NBPF11: variants seen among roughly 807,000 people sequenced by gnomAD.
NBPF11 encodes NBPF member 11.
A neutral mutation model predicts 93.9 loss-of-function variants in NBPF11; 72 were observed. The ratio of observed to expected loss-of-function variants is 0.77; its 90% CI spans 0.63 to 0.93. The LOEUF is 0.93. Among genes scored for constraint, NBPF11 ranks in the 40% least tolerant of loss-of-function variants. NBPF11 has a pLI of 0.00. For missense variants in NBPF11, 705 were observed against 802.2 expected, an observed-to-expected ratio of 0.88 and a Z score of 1.46; for synonymous variants, 224 against 304.9, an observed-to-expected ratio of 0.73 and a Z score of 2.76.
Position 148,132,102 on chromosome 1 carries a change from C to T in NBPF11, c.-36+3570G>A, listed in dbSNP as rs1383242972. Among the ~76,000 whole-genome samples, 13 of 143,930 alleles carry T rather than the reference C, an allele frequency of 9.0e-5. No individual in the cohort carries two copies. The East Asian group carries it at 1.8e-3, about 20-fold the overall frequency. 94.4% of individuals were successfully genotyped at this position (143,930 alleles called of 152,430 possible). The stretch of plus-strand genomic sequence containing the variant: ...TCTTTTGAGAAATTGTTTCATTGTG[C>T]TGTTTATCTTATCAGACTGCAATAT... On this transcript the variant is annotated intron_variant, in intron 4 of 23. Transcript: ENST00000682118.
intron 10 of NBPF11, among the ~76,000 whole-genome samples, chr1:148,119,846 G>A (rs1667423937): frequency 6.6e-6 from 1 of 151,918 alleles, no homozygotes; most frequent in African/African-American, 2.4e-5. Context: ...AGTGGAGATG[G>A]GGTTTCTCCA....
chr1:148,146,480 T>C, intron 1 of NBPF11: 1 of 1,604,528 alleles, frequency 6.2e-7, no homozygotes, highest in Non-Finnish European at 8.5e-7. Context: ...CTCGCCTTCC[T>C]GCCGCCGGAG....
intron 6 of NBPF11, among the ~76,000 whole-genome samples, chr1:148,124,589 T>C (rs1460080174): frequency 4.0e-5 from 6 of 151,590 alleles, no homozygotes; most frequent in African/African-American, 1.5e-4. Context: ...GGGGTGGCAA[T>C]AGCACACCAT....
intron 4 of NBPF11, among the ~76,000 whole-genome samples, chr1:148,128,909 G>A (rs1255882005): frequency 4.1e-5 from 6 of 145,558 alleles, no homozygotes; most frequent in South Asian, 2.1e-4. Context: ...TAGAAGCGGC[G>A]GTGCGAGCAT....
chr1:148,104,217 G>A (rs1662987414), intron 23 of NBPF11, among the ~76,000 whole-genome samples: 1 of 144,584 alleles, frequency 6.9e-6, no homozygotes, highest in African/African-American at 2.7e-5. Context: ...CTCTGACTTA[G>A]TGCCCTCATG....
At chr1:148,104,419 C>A (rs1306200540) in intron 23 of NBPF11, 118 bp downstream of exon 23, 9 of 631,626 alleles carry the variant, frequency 1.4e-5, no homozygotes, top group Non-Finnish European at 2.2e-5. Context: ...ACAACAATGA[C>A]AGTAGGAGTA....
rs1664958167 is a variant in NBPF11 at position 148,110,376 on chromosome 1, A to G, written c.1801+2T>C. The stretch of plus-strand genomic sequence containing the variant: ...TTATCACCTTCACAATGGAGTACTC[A>G]CTGCCTATGTCAACAGCCATGCAGA... On this transcript the variant is annotated splice_donor_variant, in intron 16 of 23. Transcript: ENST00000682118. LOFTEE classifies it high-confidence loss of function. 9 of 1,580,744 alleles carry G rather than the reference A, an allele frequency of 5.7e-6. 1 individual carries two copies. The Admixed American group carries it at 8.4e-5, about 15-fold the overall frequency.
chr1:148,136,553 C>T (rs1321738807), intron 3 of NBPF11, among the ~76,000 whole-genome samples: 1 of 151,664 alleles, frequency 6.6e-6, no homozygotes, highest in Non-Finnish European at 1.5e-5. Flanking sequence ...TCAAGAAATG[C>T]AGAGCAGAGA....
chr1:148,151,588 A>G (rs1404172991), intron 1 of NBPF11, 162 bp downstream of exon 1: 2 of 151,874 alleles, frequency 1.3e-5, no homozygotes, highest in Non-Finnish European at 2.9e-5. Context: ...AGCGCAGGGA[A>G]CTTAGGCCCC....
intron 2 of NBPF11, among the ~76,000 whole-genome samples, chr1:148,142,120 AGAG>A (rs1309523763): frequency 6.7e-6 from 1 of 148,982 alleles, no homozygotes; most frequent in Non-Finnish European, 1.5e-5. Context: ...GAAAGAATAA[AGAG>A]AGAGAGAAAG....
chr1:148,121,826 A>G (rs1209957513), intron 9 of NBPF11, among the ~76,000 whole-genome samples: 1 of 151,982 alleles, frequency 6.6e-6, no homozygotes, highest in Non-Finnish European at 1.5e-5. Context: ...TATTCTTCGT[A>G]AAGATGGGTT....
In NBPF11 at chr1:148,146,578, G is replaced by A. The variant is rs1340224515; in HGVS notation, c.-548-2892C>T. ...GGGGACCCTGAGAGCCTCCTCGGGCGCACCCGGGCGCTGGAAGCTGCACCT... is the reference window on the plus strand; with the variant it reads ...GGGGACCCTGAGAGCCTCCTCGGGCACACCCGGGCGCTGGAAGCTGCACCT... On this transcript the variant is annotated intron_variant, in intron 1 of 23. Coordinates refer to ENST00000682118, the MANE Select transcript of NBPF11 (RefSeq NM_001385469.3). 2.6e-5 allele frequency: 42 copies of A among 1,607,252 alleles called. 1 individual carries two copies. The highest frequency in any genetic ancestry group is 2.4e-4 in the South Asian group (22 of 90,942).
chr1:148,146,916 C>T lies in NBPF11; in HGVS notation c.-548-3230G>A, dbSNP rs1298712449. The T allele has an allele frequency of 3.7e-6, 6 of 1,611,140 alleles. No individual in the cohort carries two copies. The African/African-American group carries it at 6.7e-5, about 18-fold the overall frequency. ...TCGACGCCACCTGGCAGGCCCTGCG[C>T]ACCAGGTGAGGGCGACCCTGGGGGC... On this transcript the variant is annotated intron_variant, in intron 1 of 23. Coordinates refer to ENST00000682118, the MANE Select transcript of NBPF11 (RefSeq NM_001385469.3).
chr1:148,120,680 A>C lies in NBPF11; in HGVS notation c.809T>G (p.Val270Gly). ...VPGPTSSATN[V>G]SMVVSAGPLS... ...AGGGCCGGCTGATACCACCATGCTG[A>C]CGTTTGTGGCAGAAGAGGTGGGGCC... The change falls in exon 10 of 24, where the codon GTC becomes GGC. Residue 270 changes from valine (V) to glycine (G), a missense_variant. Around this residue, in one of 12 missense-constraint regions of NBPF11, gnomAD observed 262 missense variants for 223.1 expected, o/e 1.17. Coordinates refer to ENST00000682118, the MANE Select transcript of NBPF11 (RefSeq NM_001385469.3). The C allele has an allele frequency of 6.5e-7, 1 of 1,537,030 alleles. No individual in the cohort carries two copies. The highest frequency in any genetic ancestry group is 2.3e-5 in the East Asian group (1 of 44,388).
rs1175737657 is a variant in NBPF11 at position 148,108,627 on chromosome 1, T to C, written c.1881A>G (p.Lys627=). ...PRLSRELLDE[K]EPEVLQDSLD... Reference sequence around the variant, plus strand: ...GTGAGTCCTGCAAGACTTCAGGCTCTTTCTCATCCAGCAGCTCCCTGCTGA... The same window carrying C: ...GTGAGTCCTGCAAGACTTCAGGCTCCTTCTCATCCAGCAGCTCCCTGCTGA... The change falls in exon 18 of 24, where the codon AAA becomes AAG. Residue 627 remains lysine (K), a synonymous_variant. Transcript: ENST00000682118. 3.6e-5 allele frequency: 51 copies of C among 1,423,988 alleles called. 1 individual carries two copies. The African/African-American group carries it at 7.0e-4, about 20-fold the overall frequency. The allele number at this position is 1,423,988 out of a possible 1,614,324, so 88.2% of individuals were successfully genotyped here.
intron 3 of NBPF11, among the ~76,000 whole-genome samples, chr1:148,136,078 C>T (rs1671227962): frequency 6.6e-6 from 1 of 151,904 alleles, no homozygotes; most frequent in Admixed American, 6.5e-5. Flanking sequence ...ATAGAGAGGC[C>T]TCTTTGGAAG....
chr1:148,112,275 G>T (rs1665480945), intron 15 of NBPF11, among the ~76,000 whole-genome samples: 1 of 142,606 alleles, frequency 7.0e-6, no homozygotes, highest in Non-Finnish European at 1.5e-5. Context: ...TTAACATTAG[G>T]TATATCTCCT....
At chr1:148,138,643 C>T (rs1317154003) in intron 2 of NBPF11, among the ~76,000 whole-genome samples, 1 of 151,112 alleles carries the variant, frequency 6.6e-6, no homozygotes, top group Admixed American at 6.6e-5. Context: ...TGAGTTGACA[C>T]AGCCCATGTC....
At chr1:148,124,600 T>C (rs1668652794) in intron 6 of NBPF11, among the ~76,000 whole-genome samples, 3 of 151,550 alleles carry the variant, frequency 2.0e-5, no homozygotes, top group Admixed American at 2.0e-4. Flanking sequence ...AGCACACCAT[T>C]TTGATTATAC....
Sources: gnomAD v4.1 joint callset for allele counts (sites outside exome capture counted in the v4.1 genomes callset) on GRCh38, gnomAD v4.1.1 for gene constraint, gnomAD v4.1.1 regional missense constraint, MANE v1.5 for transcripts, NCBI Gene and HGNC (gene_info 2026-07-23, HGNC 2026-07-21) for gene names.